Variants in BRAF observed in about 807,000 individuals in gnomAD.
The protein encoded by BRAF is B-Raf proto-oncogene, serine/threonine kinase.
A neutral mutation model predicts 104.6 loss-of-function variants in BRAF; 16 were observed. The observed-to-expected ratio is 0.15, with a 90% confidence interval of 0.10 to 0.23. BRAF has a LOEUF of 0.23. Ranked by LOEUF, BRAF falls within the 10% of genes least tolerant of loss-of-function variation. The pLI is 1.00. For missense variants in BRAF, 541 were observed against 937.3 expected (o/e 0.58, Z 5.52); for synonymous variants, 310 against 341.6 (o/e 0.91, Z 1.02).
intron 14 of BRAF, among the ~76,000 whole-genome samples, chr7:140,755,155 CT>C: frequency 6.6e-6 from 1 of 152,230 alleles, no homozygotes; most frequent in Non-Finnish European, 1.5e-5. Flanking sequence ...TTGTTTATTT[CT>C]TTGTATACCC....
chr7:140,883,575 A>C (rs1287543190), intron 1 of BRAF, among the ~76,000 whole-genome samples: 1 of 152,212 alleles, frequency 6.6e-6, no homozygotes, highest in Non-Finnish European at 1.5e-5. Context: ...AAATATTCTA[A>C]GCCCACACTT....
intron 14 of BRAF, among the ~76,000 whole-genome samples, chr7:140,755,564 T>C (rs1302809068): frequency 6.6e-6 from 1 of 152,258 alleles, no homozygotes; most frequent in African/African-American, 2.4e-5. Context: ...TTACTATTCA[T>C]ATCACAGTTT....
At chr7:140,775,549 G>A (rs1800258872) in intron 14 of BRAF, among the ~76,000 whole-genome samples, 1 of 151,746 alleles carries the variant, frequency 6.6e-6, no homozygotes, top group African/African-American at 2.4e-5. Context: ...ATGTTGGTCA[G>A]GCTAGTCTTG....
At chr7:140,730,265 T>C (rs1473921798) in intron 19 of BRAF, among the ~76,000 whole-genome samples, 1 of 151,978 alleles carries the variant, frequency 6.6e-6, no homozygotes, top group African/African-American at 2.4e-5. Flanking sequence ...ACTCTATGTC[T>C]TAAAAAAAAT....
rs936149159 is a variant in BRAF, at chr7:140,722,249, A to T, written c.*4245T>A. On this transcript the variant is annotated 3_prime_UTR_variant, in exon 20 of 20. Coordinates refer to ENST00000644969, the MANE Select transcript of BRAF (RefSeq NM_001374258.1). ...AAATAATTTTGTTCACTGAAAATTT[A>T]CCTGTGTGTTTTCTCATTGTTAAAT... 15 of 1,056,244 alleles carry T rather than the reference A, an allele frequency of 1.4e-5. No individual in the cohort carries two copies. In the African/African-American group the frequency reaches 2.5e-4, roughly 17 times the overall value. The allele number at this position is 1,056,244 out of a possible 1,614,324, so 65.4% of individuals were successfully genotyped here.
chr7:140,740,738 G>A (rs938736986), intron 17 of BRAF: 4 of 152,204 alleles, frequency 2.6e-5, no homozygotes, highest in African/African-American at 9.7e-5. Flanking sequence ...GGGCAGAGCT[G>A]ATGAATTTTA....
intron 1 of BRAF, among the ~76,000 whole-genome samples, chr7:140,850,538 C>T (rs1809051858): frequency 6.6e-6 from 1 of 152,154 alleles, no homozygotes; most frequent in Admixed American, 6.5e-5. Context: ...GGTGAGCAGC[C>T]TTCCATGTCT....
At chr7:140,917,599 T>C (rs907867765) in intron 1 of BRAF, among the ~76,000 whole-genome samples, 2 of 152,112 alleles carry the variant, frequency 1.3e-5, no homozygotes, top group South Asian at 4.1e-4. Context: ...CACCTCTCTC[T>C]CCCTCTCAAA....
chr7:140,800,598 A>G, intron 6 of BRAF, 117 bp from the exon 7 acceptor site: 1 of 1,505,190 alleles, frequency 6.6e-7, no homozygotes, highest in Non-Finnish European at 9.1e-7. Flanking sequence ...ACAACTGTTA[A>G]AATTCAATTA....
chr7:140,765,845 G>A (rs1799263240), intron 14 of BRAF, among the ~76,000 whole-genome samples: 2 of 150,890 alleles, frequency 1.3e-5, no homozygotes, highest in Admixed American at 1.3e-4. Flanking sequence ...CTTTTACACT[G>A]TTGGTGGGAC....
At chr7:140,713,440 G>A in the BRAF span, among the ~76,000 whole-genome samples, 28 of 152,206 alleles carry the variant, frequency 1.8e-4, no homozygotes, top group East Asian at 1.5e-3. Context: ...CGTAGCTCTC[G>A]TGCCTTGGTT....
intron 1 of BRAF, among the ~76,000 whole-genome samples, chr7:140,918,874 T>A (rs1457023878): frequency 1.5e-5 from 2 of 135,754 alleles, no homozygotes; most frequent in Admixed American, 1.5e-4. Flanking sequence ...GTGTGGTGGC[T>A]CACGCCTGTA....
intron 7 of BRAF, chr7:140,800,021 G>A: frequency 2.5e-6 from 1 of 401,050 alleles, no homozygotes; most frequent in Non-Finnish European, 4.7e-6. Flanking sequence ...AAGTTATTTG[G>A]GGAAAAGATC....
chr7:140,781,199 G>A lies in BRAF; in HGVS notation c.1552+377C>T, dbSNP rs567264366. 6.4e-5 allele frequency: 16 copies of A among 250,716 alleles called. 1 individual carries two copies. The South Asian group carries it at 7.3e-4, about 11-fold the overall frequency. The allele number at this position is 250,716 out of a possible 1,614,324, so 15.5% of individuals were successfully genotyped here. On this transcript the variant is annotated intron_variant, in intron 12 of 19. Transcript: ENST00000644969. ...GCCAGCCTCAGCTTCCCAAAGTGCT[G>A]GGATTACAGGCATAAGCCACTGCGC...
chr7:140,795,041 A>AT (rs973553871), intron 7 of BRAF, among the ~76,000 whole-genome samples: 3 of 152,270 alleles, frequency 2.0e-5, no homozygotes, highest in Middle Eastern at 3.4e-3. Context: ...CATATTCTGG[A>AT]TTTTTTATCA....
rs1475810222 is a variant in BRAF, at chr7:140,785,649, G to C, written c.1297+40C>G. 1.5e-5 allele frequency: 6 copies of C among 398,800 alleles called. No individual in the cohort carries two copies. The East Asian group carries it at 2.1e-4, about 14-fold the overall frequency. The allele number at this position is 398,800 out of a possible 1,614,324, so 24.7% of individuals were successfully genotyped here. On this transcript the variant is annotated intron_variant, in intron 10 of 19. Transcript: ENST00000644969. ...AACAGCATCTGTAGTTTTATATTTAGTTTGCTTTGGGTGAAAACAAGAAAG... is the reference window on the plus strand; with the variant it reads ...AACAGCATCTGTAGTTTTATATTTACTTTGCTTTGGGTGAAAACAAGAAAG...
intron 2 of BRAF, 57 bp from the exon 3 acceptor site, chr7:140,834,929 G>C (rs564924129): frequency 1.9e-4 from 305 of 1,596,188 alleles, no homozygotes; most frequent in Middle Eastern, 1.7e-4. Flanking sequence ...ATTAACAAAA[G>C]AGAATATAAA....
chr7:140,792,400 T>C (rs1802077545), intron 8 of BRAF, among the ~76,000 whole-genome samples: 1 of 152,214 alleles, frequency 6.6e-6, no homozygotes, highest in Non-Finnish European at 1.5e-5. Flanking sequence ...AGCCTTTCAC[T>C]GTAGATATTA....
chr7:140,794,163 T>C lies in BRAF; in HGVS notation c.1140+145A>G, dbSNP rs964453011. ...AGAGAGAAACCAGAAGCTTTTCTGA[T>C]TTGTGATTCACAAGAAGCTTATCAC... On this transcript the variant is annotated intron_variant, in intron 8 of 19. Transcript: ENST00000644969. 4.0e-6 allele frequency: 4 copies of C among 989,710 alleles called. No homozygotes were observed. The African/African-American group carries it at 6.6e-5, about 16-fold the overall frequency. The allele number at this position is 989,710 out of a possible 1,614,324, so 61.3% of individuals were successfully genotyped here.
Sources: allele counts gnomAD v4.1 joint callset (sites outside exome capture counted in the v4.1 genomes callset), GRCh38; gene constraint gnomAD v4.1.1; transcripts MANE v1.5; gene names NCBI Gene and HGNC (gene_info 2026-07-23, HGNC 2026-07-21).